The following CPEB1 variants were observed in gnomAD, a reference collection of about 807,000 sequenced individuals.
The protein encoded by CPEB1 is cytoplasmic polyadenylation element-binding protein 1.
A neutral mutation model predicts 65.8 loss-of-function variants in CPEB1; 7 were observed. That is an observed-to-expected ratio of 0.11 (90% CI 0.06 to 0.20). The LOEUF is 0.20. CPEB1 is among the 10% of genes least tolerant of loss of function. The pLI, the probability that CPEB1 is intolerant of heterozygous loss-of-function variation, is 1.00. For synonymous variants in CPEB1, 262 were observed against 260.0 expected (o/e 1.01, Z -0.08); for missense variants, 551 against 712.2 (o/e 0.77, Z 2.58).
chr15:82,552,370 T>C lies in CPEB1; in HGVS notation c.1281+110A>G, dbSNP rs2036422506. ...GTGGGACAAGAAGAGCCTTCTTGCC[T>C]CAGCAGGAATACTCCTTGCCTGCAG... On this transcript the variant is annotated intron_variant, in intron 9 of 12. Transcript: ENST00000684509. 3.9e-6 allele frequency: 4 copies of C among 1,025,454 alleles called. No individual in the cohort carries two copies. In the South Asian group the frequency reaches 7.6e-5, roughly 20 times the overall value. The allele number at this position is 1,025,454 out of a possible 1,614,324, so 63.5% of individuals were successfully genotyped here.
chr15:82,618,460 T>C (rs978333564), intron 3 of CPEB1, among the ~76,000 whole-genome samples: 1 of 152,168 alleles, frequency 6.6e-6, no homozygotes, highest in Non-Finnish European at 1.5e-5. Context: ...GACTTCCTGG[T>C]TCCTATAGCA....
intron 5 of CPEB1, 43 bp downstream of exon 5, chr15:82,557,717 G>T: frequency 6.4e-7 from 1 of 1,558,196 alleles, no homozygotes; most frequent in African/African-American, 1.4e-5. Flanking sequence ...ACACACACAG[G>T]CAACTCCACC....
intron 1 of CPEB1, among the ~76,000 whole-genome samples, chr15:82,643,739 A>G (rs2047281771): frequency 6.6e-6 from 1 of 152,184 alleles, no homozygotes; most frequent in African/African-American, 2.4e-5. Flanking sequence ...TCCAGAATTG[A>G]AACCCCAGCC....
chr15:82,648,168 G>A (rs587625711), upstream of CPEB1: 5 of 332,758 alleles, frequency 1.5e-5, no homozygotes, highest in African/African-American at 8.6e-5. Context: ...GCCGCTGCTA[G>A]CCACAGCTGC....
intron 1 of CPEB1, chr15:82,640,557 A>G (rs1485199878): frequency 6.6e-6 from 1 of 152,180 alleles, no homozygotes; most frequent in Non-Finnish European, 1.5e-5. Flanking sequence ...CTGTTTTGGC[A>G]ATAACCTTTA....
At position 82,626,006 on chromosome 15, in the gene CPEB1, G is replaced by C. The variant is rs938899136; in HGVS notation, c.271+1187C>G. On this transcript the variant is annotated intron_variant, in intron 3 of 12. Transcript: ENST00000684509. The stretch of plus-strand genomic sequence containing the variant: ...GTGGTGGCGGGTGCCTGTAATCCCA[G>C]CTACTTGGGAGACTGAGGCAGGAGA... Among the ~76,000 whole-genome samples the C allele has an allele frequency of 3.9e-5, 6 of 151,998 alleles. No individual in the cohort carries two copies. The East Asian group carries it at 1.2e-3, about 29-fold the overall frequency.
At chr15:82,634,224 A>G (rs888827543) in intron 1 of CPEB1, among the ~76,000 whole-genome samples, 2 of 151,032 alleles carry the variant, frequency 1.3e-5, no homozygotes, top group Admixed American at 6.6e-5. Context: ...AGTATCACTC[A>G]TAACTTTTTC....
chr15:82,564,679 A>G (rs891730895), intron 4 of CPEB1, among the ~76,000 whole-genome samples: 2 of 152,196 alleles, frequency 1.3e-5, no homozygotes, highest in Non-Finnish European at 2.9e-5. Context: ...GCCAAAACAG[A>G]GGTTTAAAAA....
chr15:82,578,047 G>C (rs2040859742), intron 3 of CPEB1, among the ~76,000 whole-genome samples: 2 of 152,278 alleles, frequency 1.3e-5, no homozygotes, highest in Non-Finnish European at 2.9e-5. Context: ...GGCTGAGGCA[G>C]AAGAATGGCG....
intron 6 of CPEB1, among the ~76,000 whole-genome samples, chr15:82,554,607 G>A (rs187540144): frequency 3.3e-5 from 5 of 152,318 alleles, no homozygotes; most frequent in Admixed American, 2.0e-4. Flanking sequence ...GCATGGTAAC[G>A]TAATGAATCA....
At chr15:82,641,545 CAAGT>C (rs1043107221) in intron 1 of CPEB1, 4 of 152,142 alleles carry the variant, frequency 2.6e-5, no homozygotes, top group Admixed American at 2.6e-4. Context: ...AATAAAGAAA[CAAGT>C]AACACTCTTA....
Position 82,553,562 on chromosome 15 carries a change from A to C in CPEB1, c.1055-6T>G. 6.2e-7 allele frequency: 1 copy of C among 1,601,076 alleles called. No homozygotes were observed. Among genetic ancestry groups the C allele is most frequent in the Non-Finnish European group, 8.6e-7 (1 of 1,169,378 alleles). ...GAAGGTGTTAACTAATCCAGCTGCA[A>C]AGAGACAGAAAAGAATGGCAGAAGC... On this transcript the variant is annotated splice_region_variant and splice_polypyrimidine_tract_variant and intron_variant, in intron 7 of 12. Transcript: ENST00000684509.
intron 1 of CPEB1, among the ~76,000 whole-genome samples, chr15:82,634,648 G>C (rs2046513622): frequency 6.6e-6 from 1 of 152,174 alleles, no homozygotes; most frequent in Admixed American, 6.5e-5. Context: ...GGGTCCCATG[G>C]ATTGGAATGT....
In CPEB1 at chr15:82,612,576, C is replaced by T. The variant is rs182462171; in HGVS notation, c.271+14617G>A. ...ACTGGGTCAGGCAAGGTGGCTCACACCTGTAATCCCAGCACTTTGGGAGTC... is the reference window on the plus strand; with the variant it reads ...ACTGGGTCAGGCAAGGTGGCTCACATCTGTAATCCCAGCACTTTGGGAGTC... On this transcript the variant is annotated intron_variant, in intron 3 of 12. Coordinates refer to ENST00000684509, the MANE Select transcript of CPEB1 (RefSeq NM_001365242.1). Among the ~76,000 whole-genome samples the T allele has an allele frequency of 5.3e-5, 8 of 151,202 alleles. No individual in the cohort carries two copies. The East Asian group carries it at 1.6e-3, about 30-fold the overall frequency.
rs76233244 is a variant in CPEB1 at position 82,639,241 on chromosome 15, C to T, written c.-98+7896G>A. On this transcript the variant is annotated intron_variant, in intron 1 of 12. Coordinates refer to ENST00000684509, the MANE Select transcript of CPEB1 (RefSeq NM_001365242.1). ...TACTTTATTCTGTTGTGTGTTCCCTCTCAATAAAAGGACAATAGTTATAAG... is the reference window on the plus strand; with the variant it reads ...TACTTTATTCTGTTGTGTGTTCCCTTTCAATAAAAGGACAATAGTTATAAG... Among the ~76,000 whole-genome samples the T allele has an allele frequency of 4.6e-5, 7 of 152,276 alleles. No individual in the cohort carries two copies. The East Asian group carries it at 1.2e-3, about 25-fold the overall frequency.
chr15:82,615,551 C>T (rs867933087), intron 3 of CPEB1, among the ~76,000 whole-genome samples: 3 of 152,142 alleles, frequency 2.0e-5, no homozygotes, highest in South Asian at 2.1e-4. Flanking sequence ...AACCCTGGGA[C>T]ACAATTCTAG....
At chr15:82,646,061 A>T (rs1040288864) in intron 1 of CPEB1, among the ~76,000 whole-genome samples, 1 of 152,098 alleles carries the variant, frequency 6.6e-6, no homozygotes, top group African/African-American at 2.4e-5. Flanking sequence ...AGCTTTTCTA[A>T]CTATGCAAAA....
intron 3 of CPEB1, among the ~76,000 whole-genome samples, chr15:82,580,214 G>A (rs1039487615): frequency 6.6e-6 from 1 of 151,254 alleles, no homozygotes; most frequent in Non-Finnish European, 1.5e-5. Flanking sequence ...CCAGTTGCTC[G>A]AGAGGCTGAG....
At chr15:82,583,084 G>T (rs938769137) in intron 3 of CPEB1, among the ~76,000 whole-genome samples, 1 of 152,132 alleles carries the variant, frequency 6.6e-6, no homozygotes, top group East Asian at 1.9e-4. Context: ...TTATTCAGCA[G>T]AAAGTCAATT....
Sources: allele counts gnomAD v4.1 joint callset (sites outside exome capture counted in the v4.1 genomes callset), GRCh38; gene constraint gnomAD v4.1.1; transcripts MANE v1.5; gene names NCBI Gene and HGNC (gene_info 2026-07-23, HGNC 2026-07-21).